The following CS variants were observed in gnomAD, a reference collection of about 807,000 sequenced individuals.
The protein encoded by CS is citrate synthase, mitochondrial.
A neutral mutation model predicts 61.4 loss-of-function variants in CS; 13 were observed. The observed-to-expected ratio is 0.21, with a 90% CI of 0.14 to 0.34. CS has a LOEUF of 0.34. Ranked by LOEUF, CS falls within the 10% of genes least tolerant of loss-of-function variation. The probability of loss-of-function intolerance (pLI) is 1.00; values close to 1 mark genes in which losing one functional copy is unlikely to be tolerated. For missense variants in CS, 278 were observed against 573.4 expected (o/e 0.48, Z 5.26); for synonymous variants, 159 against 215.2 (o/e 0.74, Z 2.29).
chr12:56,273,603 C>A lies in CS; in HGVS notation c.1214G>T (p.Ser405Ile). 1 of 1,614,010 alleles carries A rather than the reference C, an allele frequency of 6.2e-7. No individual in the cohort carries two copies. The change falls in exon 10 of 11, where the codon AGT (serine) becomes ATT (isoleucine). Residue 405 changes from serine (S) to isoleucine (I), a missense_variant. Around this residue, in one of 2 missense-constraint regions of CS, gnomAD observed 223 missense variants for 503.5 expected, o/e 0.44. Coordinates refer to ENST00000351328, the MANE Select transcript of CS (RefSeq NM_004077.3). ...KNPWPNVDAH[S>I]GVLLQYYGMT... Reference sequence around the variant, plus strand: ...AGGACTTACCTGGAGCAGCACCCCACTGTGAGCATCTACATTGGGCCAAGG... The same window carrying A: ...AGGACTTACCTGGAGCAGCACCCCAATGTGAGCATCTACATTGGGCCAAGG...
At position 56,274,874 on chromosome 12, in the gene CS, A is replaced by G; in HGVS notation, c.923T>C (p.Val308Ala). 1 of 1,607,934 alleles carries G rather than the reference A, an allele frequency of 6.2e-7. No homozygotes were observed. The highest frequency in any genetic ancestry group is 1.3e-5 in the African/African-American group (1 of 74,724). ...CTGCAGCTGTGTTAGCCAGACAAGC[A>G]CTTCCTATGGGTAAGGTTTGGGGAA... ...GPLHGLANQE[V>A]LVWLTQLQKE... The change falls in exon 9 of 11, where the codon GTG (valine) becomes GCG (alanine). Residue 308 changes from valine to alanine, a missense_variant. Val to Ala is a moderately conservative substitution (Grantham distance 64). Around this residue, in one of 2 missense-constraint regions of CS, gnomAD observed 223 missense variants for 503.5 expected, o/e 0.44. Transcript: ENST00000351328.
At chr12:56,280,416 C>CAAAA (rs1190260476) in intron 6 of CS, among the ~76,000 whole-genome samples, 35,099 of 89,866 alleles carry the variant, frequency 0.39, 7,718 homozygotes, top group Non-Finnish European at 0.46. Flanking sequence ...CACCGTCTCC[C>CAAAA]AAAAAAAACA....
At chr12:56,298,353 C>T (rs1032784994) in intron 1 of CS, among the ~76,000 whole-genome samples, 13 of 152,088 alleles carry the variant, frequency 8.5e-5, no homozygotes, top group Non-Finnish European at 1.5e-4. Flanking sequence ...TGACTAGGAT[C>T]GTCAGGCCAT....
intron 1 of CS, among the ~76,000 whole-genome samples, chr12:56,293,624 G>C (rs1411130708): frequency 6.6e-6 from 1 of 152,166 alleles, no homozygotes; most frequent in Non-Finnish European, 1.5e-5. Context: ...GGCTGAGGCA[G>C]AATCGCCTGG....
At chr12:56,284,609 A>C (rs1872880041) in intron 3 of CS, among the ~76,000 whole-genome samples, 1 of 150,420 alleles carries the variant, frequency 6.6e-6, no homozygotes. Context: ...TTTTTAAAGA[A>C]ATGGGGTTTA....
At chr12:56,294,822 G>T (rs778499566) in intron 1 of CS, among the ~76,000 whole-genome samples, 5 of 152,146 alleles carry the variant, frequency 3.3e-5, no homozygotes, top group Admixed American at 2.0e-4. Flanking sequence ...AGGCTGGAGT[G>T]CAGTGGCATG....
At chr12:56,298,186 T>C (rs1024453856) in intron 1 of CS, among the ~76,000 whole-genome samples, 1 of 152,066 alleles carries the variant, frequency 6.6e-6, no homozygotes, top group Non-Finnish European at 1.5e-5. Context: ...TTCGTAGAGA[T>C]GAGGTTTCTC....
At chr12:56,286,071 G>C in intron 2 of CS, 48 bp from the exon 3 acceptor site, 1 of 1,509,598 alleles carries the variant, frequency 6.6e-7, no homozygotes, top group Non-Finnish European at 9.2e-7. Context: ...AAGTTTATTA[G>C]ATTTCCTGCA....
At chr12:56,296,808 A>G (rs907792942) in intron 1 of CS, among the ~76,000 whole-genome samples, 2 of 152,162 alleles carry the variant, frequency 1.3e-5, no homozygotes, top group African/African-American at 4.8e-5. Flanking sequence ...CTAACACCCC[A>G]TAAGGCTTCC....
chr12:56,293,444 C>T (rs779405649), intron 1 of CS, among the ~76,000 whole-genome samples: 3 of 152,178 alleles, frequency 2.0e-5, no homozygotes, highest in African/African-American at 2.4e-5. Flanking sequence ...AGGCTGGACA[C>T]GGTGGCTCAC....
chr12:56,274,958 G>T (rs780963828), intron 8 of CS, 44 bp downstream of exon 8: 2 of 1,611,768 alleles, frequency 1.2e-6, no homozygotes, highest in East Asian at 4.5e-5. Flanking sequence ...CAAAGCATGG[G>T]GTAAGGAAAA....
At chr12:56,288,485 G>A (rs1458996896) in intron 1 of CS, among the ~76,000 whole-genome samples, 1 of 149,204 alleles carries the variant, frequency 6.7e-6, no homozygotes, top group East Asian at 2.0e-4. Context: ...ATAGGCACAC[G>A]CCACCATGCT....
At chr12:56,293,129 A>T (rs117766050) in intron 1 of CS, among the ~76,000 whole-genome samples, 1,833 of 152,160 alleles carry the variant, frequency 0.012, 20 homozygotes, top group Non-Finnish European at 0.018. Context: ...AAACAAAAAA[A>T]GCCCACTTAC....
chr12:56,284,892 C>T (rs1431397010), intron 3 of CS, among the ~76,000 whole-genome samples: 6 of 58,684 alleles, frequency 1.0e-4, no homozygotes, highest in Non-Finnish European at 1.4e-4. Flanking sequence ...AGTGAGACTC[C>T]GTCCCAAAAA....
chr12:56,273,095 T>C lies in CS; in HGVS notation c.1390A>G (p.Lys464Glu), dbSNP rs1872552798. ...CCCAGTCTCCAGTTTTACCCTGACT[T>C]AGAGTCCACAAACTTCATCAGACCC... The part of the protein sequence containing the change: ...TEGLMKFVDS[K>E]SG The change falls in exon 11 of 11, where the codon AAG (lysine) becomes GAG (glutamate). Residue 464 changes from lysine to glutamate, a missense_variant. By Grantham distance (56) the Lys-to-Glu change is moderately conservative. This residue lies in a region of CS where 223 missense variants were observed against 503.5 expected (regional missense o/e 0.44). Coordinates refer to ENST00000351328, the MANE Select transcript of CS (RefSeq NM_004077.3). 1.9e-6 allele frequency: 3 copies of C among 1,609,972 alleles called. No homozygotes were observed. In the African/African-American group the frequency reaches 4.0e-5, roughly 21 times the overall value.
intron 1 of CS, among the ~76,000 whole-genome samples, chr12:56,289,519 T>C (rs1358270436): frequency 6.6e-6 from 1 of 152,012 alleles, no homozygotes; most frequent in Non-Finnish European, 1.5e-5. Context: ...CTCAGCTCAC[T>C]GCAAGCTCCA....
At position 56,285,984 on chromosome 12, in the gene CS, G is replaced by T; in HGVS notation, c.133C>A (p.Gln45Lys). 1 of 1,613,810 alleles carries T rather than the reference G, an allele frequency of 6.2e-7. No homozygotes were observed. Among genetic ancestry groups the T allele is most frequent in the Non-Finnish European group, 8.5e-7 (1 of 1,179,970 alleles). ...TGCCTGAAAGTCTTAATTCTGGCCTGCTCCTTAGGTATCAGGTCAGCCAAT... is the reference window on the plus strand; with the variant it reads ...TGCCTGAAAGTCTTAATTCTGGCCTTCTCCTTAGGTATCAGGTCAGCCAAT... ...DILADLIPKE[Q>K]ARIKTFRQQH... The change falls in exon 3 of 11, where the codon CAG becomes AAG. Residue 45 changes from glutamine to lysine, a missense_variant. Around this residue, in one of 2 missense-constraint regions of CS, gnomAD observed 55 missense variants for 69.9 expected, o/e 0.79. Coordinates refer to ENST00000351328, the MANE Select transcript of CS (RefSeq NM_004077.3).
intron 1 of CS, among the ~76,000 whole-genome samples, chr12:56,290,204 GTTTTT>G (rs770852108): frequency 6.6e-5 from 10 of 151,318 alleles, no homozygotes; most frequent in African/African-American, 2.2e-4. Flanking sequence ...AAGATTTTAT[GTTTTT>G]TTGTTTGTTT....
chr12:56,291,425 A>G, intron 1 of CS: 1 of 269,530 alleles, frequency 3.7e-6, no homozygotes, highest in Non-Finnish European at 5.9e-6. Context: ...CCAAGAAGGG[A>G]GGCATCTCAG....
Sources: allele counts gnomAD v4.1 joint callset (sites outside exome capture counted in the v4.1 genomes callset), GRCh38; gene constraint gnomAD v4.1.1; regional missense constraint gnomAD v4.1.1; transcripts MANE v1.5; gene names NCBI Gene and HGNC (gene_info 2026-07-23, HGNC 2026-07-21).